PPFIA2: variants seen among roughly 807,000 people sequenced by gnomAD.
PPFIA2 encodes liprin-alpha-2.
A neutral mutation model predicts 175.5 loss-of-function variants in PPFIA2; 46 were observed. The observed-to-expected ratio is 0.26, with a 90% CI of 0.21 to 0.34. PPFIA2 has a LOEUF of 0.34. PPFIA2 is among the 10% of genes least tolerant of loss of function. The pLI is 1.00. For synonymous variants in PPFIA2, 568 were observed against 511.4 expected (o/e 1.11, Z -1.49); for missense variants, 1,179 against 1,506.1 (o/e 0.78, Z 3.60).
At chr12:81,338,604 C>CAA (rs72511331) in intron 21 of PPFIA2, among the ~76,000 whole-genome samples, 16,081 of 150,674 alleles carry the variant, frequency 0.11, 1,087 homozygotes, top group East Asian at 0.28. Context: ...TAGTTTTAAG[C>CAA]AAAAAAAAAT....
At chr12:81,574,706 T>C (rs2073192183) in intron 4 of PPFIA2, among the ~76,000 whole-genome samples, 1 of 151,492 alleles carries the variant, frequency 6.6e-6, no homozygotes, top group African/African-American at 2.4e-5. Flanking sequence ...TTTATTATTA[T>C]TGGGAAAAAA....
At chr12:81,733,886 T>A (rs930127850) in intron 3 of PPFIA2, among the ~76,000 whole-genome samples, 1 of 151,746 alleles carries the variant, frequency 6.6e-6, no homozygotes, top group African/African-American at 2.4e-5. Context: ...CAACATTTTA[T>A]CCTGTAACCT....
intron 4 of PPFIA2, among the ~76,000 whole-genome samples, chr12:81,571,905 T>C (rs1424371322): frequency 6.6e-6 from 1 of 152,092 alleles, no homozygotes; most frequent in Non-Finnish European, 1.5e-5. Flanking sequence ...ATCTACTTCT[T>C]TCATATACTG....
chr12:81,569,694 A>G (rs1395308561), intron 4 of PPFIA2, among the ~76,000 whole-genome samples: 2 of 152,206 alleles, frequency 1.3e-5, no homozygotes, highest in African/African-American at 4.8e-5. Context: ...TGGAATTAGG[A>G]AAGAACTATA....
intron 6 of PPFIA2, 40 bp downstream of exon 6, chr12:81,445,516 A>G: frequency 6.3e-7 from 1 of 1,583,110 alleles, no homozygotes; most frequent in African/African-American, 1.3e-5. Context: ...TGCTGATGAC[A>G]GAAGTGTAGT....
At chr12:81,515,968 C>G (rs1187568457) in intron 4 of PPFIA2, among the ~76,000 whole-genome samples, 2 of 110,652 alleles carry the variant, frequency 1.8e-5, no homozygotes, top group Non-Finnish European at 3.7e-5. Flanking sequence ...CCCAGCATGC[C>G]AAATTTTTTT....
intron 8 of PPFIA2, among the ~76,000 whole-genome samples, chr12:81,390,078 T>A (rs2039830257): frequency 6.6e-6 from 1 of 152,044 alleles, no homozygotes; most frequent in African/African-American, 2.4e-5. Flanking sequence ...GAGCATGATG[T>A]TTTTGAATTT....
intron 3 of PPFIA2, among the ~76,000 whole-genome samples, chr12:81,715,967 A>G (rs2078563342): frequency 6.6e-6 from 1 of 151,568 alleles, no homozygotes; most frequent in Admixed American, 6.6e-5. Context: ...TAGAACTGGA[A>G]TAAATTTATT....
intron 7 of PPFIA2, among the ~76,000 whole-genome samples, chr12:81,435,588 G>A (rs1043099832): frequency 3.3e-5 from 5 of 152,020 alleles, no homozygotes; most frequent in African/African-American, 1.2e-4. Flanking sequence ...GAGAAAGAGA[G>A]AGAGAGAGAG....
intron 17 of PPFIA2, 98 bp downstream of exon 17, chr12:81,353,021 C>T (rs758658939): frequency 5.8e-6 from 6 of 1,043,344 alleles, no homozygotes; most frequent in Non-Finnish European, 8.6e-6. Flanking sequence ...CTATTAAGCT[C>T]CCAGTTAATG....
intron 4 of PPFIA2, among the ~76,000 whole-genome samples, chr12:81,640,160 C>T (rs1480070253): frequency 6.6e-6 from 1 of 152,036 alleles, no homozygotes; most frequent in Non-Finnish European, 1.5e-5. Flanking sequence ...ATTTGAAGGA[C>T]TATCATAAAA....
At chr12:81,499,103 A>C (rs989462952) in intron 4 of PPFIA2, among the ~76,000 whole-genome samples, 1 of 152,366 alleles carries the variant, frequency 6.6e-6, no homozygotes, top group East Asian at 1.9e-4. Context: ...TACTTCTGCC[A>C]CATTAATCTT....
At position 81,299,279 on chromosome 12, in the gene PPFIA2, C is replaced by A. The variant is rs759852223; in HGVS notation, c.2724+22G>T. 2.5e-5 allele frequency: 39 copies of A among 1,572,084 alleles called. 2 individuals are homozygous for A. In the South Asian group the frequency reaches 4.5e-4, roughly 18 times the overall value. Reference sequence around the variant, plus strand: ...AACTTAGTAGTGATTGATTCAAGGGCCTCCTAGTTTCATTCTCTTACCTCT... The same window carrying A: ...AACTTAGTAGTGATTGATTCAAGGGACTCCTAGTTTCATTCTCTTACCTCT... On this transcript the variant is annotated intron_variant, in intron 23 of 32. Transcript: ENST00000549396.
intron 4 of PPFIA2, among the ~76,000 whole-genome samples, chr12:81,513,809 G>T (rs1467803407): frequency 1.3e-5 from 2 of 151,946 alleles, no homozygotes; most frequent in Admixed American, 1.3e-4. Flanking sequence ...ATTGTCATAA[G>T]AATGTTTTCT....
chr12:81,618,050 A>AT (rs1390294506), intron 4 of PPFIA2, among the ~76,000 whole-genome samples: 4 of 151,768 alleles, frequency 2.6e-5, no homozygotes, highest in Non-Finnish European at 4.4e-5. Flanking sequence ...GCAGTTGCTG[A>AT]TTTTTTTTGC....
chr12:81,369,854 G>T (rs904474620), intron 11 of PPFIA2, among the ~76,000 whole-genome samples: 1 of 151,690 alleles, frequency 6.6e-6, no homozygotes, highest in South Asian at 2.1e-4. Flanking sequence ...TATGTGGAAA[G>T]AACTACATTG....
At chr12:81,754,707 C>A (rs1303128680) in intron 2 of PPFIA2, among the ~76,000 whole-genome samples, 1 of 152,114 alleles carries the variant, frequency 6.6e-6, no homozygotes, top group Non-Finnish European at 1.5e-5. Flanking sequence ...TTAGGTAATT[C>A]AATGATTTAA....
At chr12:81,424,115 C>G (rs1286683982) in intron 7 of PPFIA2, among the ~76,000 whole-genome samples, 2 of 151,884 alleles carry the variant, frequency 1.3e-5, no homozygotes, top group African/African-American at 4.8e-5. Context: ...TTTTAATTTT[C>G]ATAACATTAT....
intron 4 of PPFIA2, among the ~76,000 whole-genome samples, chr12:81,487,391 C>G (rs1187565176): frequency 1.3e-5 from 2 of 151,816 alleles, no homozygotes; most frequent in Non-Finnish European, 2.9e-5. Flanking sequence ...CAAGCAAAGT[C>G]TTACTGGGTT....
Sources: gnomAD v4.1 joint callset for allele counts (sites outside exome capture counted in the v4.1 genomes callset) on GRCh38, gnomAD v4.1.1 for gene constraint, MANE v1.5 for transcripts, NCBI Gene and HGNC (gene_info 2026-07-23, HGNC 2026-07-21) for gene names.